Variants in DSCAM observed in about 807,000 individuals in gnomAD.
The protein encoded by DSCAM is cell adhesion molecule DSCAM.
DSCAM carries 47 observed loss-of-function variants against 217.7 expected under a neutral mutation model. That is an observed-to-expected ratio of 0.22 (90% confidence interval 0.17 to 0.28). The LOEUF (loss-of-function observed/expected upper bound fraction) is 0.28. Among genes scored for constraint, DSCAM ranks in the 10% least tolerant of loss-of-function variants. The pLI, the probability that DSCAM is intolerant of heterozygous loss-of-function variation, is 1.00. For synonymous variants in DSCAM, 1,056 were observed against 1,015.3 expected (o/e 1.04, Z -0.76); for missense variants, 2,080 against 2,618.3 (o/e 0.79, Z 4.49).
chr21:40,716,334 A>G (rs1314647154), intron 1 of DSCAM, among the ~76,000 whole-genome samples: 2 of 152,168 alleles, frequency 1.3e-5, no homozygotes, highest in Admixed American at 6.5e-5. Context: ...TAATACAGTA[A>G]CATTTGCTTC....
intron 1 of DSCAM, among the ~76,000 whole-genome samples, chr21:40,816,366 G>A (rs369833295): frequency 6.6e-5 from 10 of 152,244 alleles, no homozygotes; most frequent in African/African-American, 2.4e-4. Context: ...TGATCACGAG[G>A]TCAGGAGTTC....
At chr21:40,181,071 C>T (rs906935175) in intron 14 of DSCAM, among the ~76,000 whole-genome samples, 1 of 152,160 alleles carries the variant, frequency 6.6e-6, no homozygotes, top group East Asian at 1.9e-4. Context: ...CGTTACAAAG[C>T]CCATCCTCAC....
At chr21:40,719,425 T>C (rs2090878093) in intron 1 of DSCAM, among the ~76,000 whole-genome samples, 1 of 152,150 alleles carries the variant, frequency 6.6e-6, no homozygotes, top group African/African-American at 2.4e-5. Flanking sequence ...ATGTGTACAC[T>C]GTGACTCAAC....
chr21:40,829,740 A>C (rs753259989), intron 1 of DSCAM, among the ~76,000 whole-genome samples: 29 of 152,194 alleles, frequency 1.9e-4, no homozygotes, highest in Non-Finnish European at 3.4e-4. Flanking sequence ...AGAAATGGAT[A>C]TGAAAAGATG....
chr21:40,043,995 C>T (rs1201728386), intron 31 of DSCAM, 83 bp downstream of exon 31: 4 of 1,429,062 alleles, frequency 2.8e-6, no homozygotes, highest in Admixed American at 3.6e-5. Context: ...AGCCCTCTCT[C>T]CCCTCCCCAA....
At chr21:40,326,764 T>C (rs2074321816) in intron 8 of DSCAM, among the ~76,000 whole-genome samples, 2 of 151,984 alleles carry the variant, frequency 1.3e-5, no homozygotes, top group African/African-American at 4.8e-5. Flanking sequence ...AAATGTGGGG[T>C]ACAGTCCAGG....
chr21:40,477,987 A>AC (rs1323818814), intron 3 of DSCAM, among the ~76,000 whole-genome samples: 2 of 151,716 alleles, frequency 1.3e-5, no homozygotes, highest in African/African-American at 4.8e-5. Context: ...CCTGAGCCCC[A>AC]CCCCCCATGC....
At chr21:40,231,130 T>G (rs2091378424) in intron 11 of DSCAM, among the ~76,000 whole-genome samples, 1 of 151,760 alleles carries the variant, frequency 6.6e-6, no homozygotes, top group African/African-American at 2.4e-5. Flanking sequence ...AGAGGTTTTT[T>G]TTTTTTTTTT....
intron 11 of DSCAM, among the ~76,000 whole-genome samples, chr21:40,271,716 A>C (rs1051890947): frequency 1.3e-5 from 2 of 152,220 alleles, no homozygotes; most frequent in Admixed American, 1.3e-4. Flanking sequence ...TATTTTGCCC[A>C]CAAGGAAATT....
At chr21:40,820,932 A>G (rs997855401) in intron 1 of DSCAM, among the ~76,000 whole-genome samples, 1 of 151,900 alleles carries the variant, frequency 6.6e-6, no homozygotes, top group Non-Finnish European at 1.5e-5. Flanking sequence ...AAAATATATT[A>G]TCAATAATTT....
At chr21:40,166,852 A>G (rs913188353) in intron 16 of DSCAM, among the ~76,000 whole-genome samples, 1 of 152,144 alleles carries the variant, frequency 6.6e-6, no homozygotes, top group Non-Finnish European at 1.5e-5. Flanking sequence ...ACTGTCTGCC[A>G]CCGCATGCTT....
chr21:40,698,241 A>T (rs1393790273), intron 2 of DSCAM, among the ~76,000 whole-genome samples: 1 of 152,168 alleles, frequency 6.6e-6, no homozygotes, highest in African/African-American at 2.4e-5. Flanking sequence ...AAGGCATAAT[A>T]AATCTAAGCA....
intron 3 of DSCAM, among the ~76,000 whole-genome samples, chr21:40,558,804 C>T (rs1002471728): frequency 6.6e-6 from 1 of 152,124 alleles, no homozygotes; most frequent in Non-Finnish European, 1.5e-5. Context: ...TTATTTTTAT[C>T]ACCACTGGAA....
At chr21:40,074,120 A>C (rs997333068) in intron 27 of DSCAM, among the ~76,000 whole-genome samples, 2 of 152,218 alleles carry the variant, frequency 1.3e-5, no homozygotes, top group Non-Finnish European at 2.9e-5. Context: ...TATTTACAGA[A>C]GAGGTCAACG....
intron 5 of DSCAM, among the ~76,000 whole-genome samples, chr21:40,352,532 C>A (rs2074642975): frequency 6.6e-6 from 1 of 151,890 alleles, no homozygotes; most frequent in South Asian, 2.1e-4. Context: ...AGTCTACACT[C>A]AGGTTGACAC....
At chr21:40,339,816 A>G (rs1270208852) in intron 6 of DSCAM, among the ~76,000 whole-genome samples, 1 of 37,970 alleles carries the variant, frequency 2.6e-5, no homozygotes, top group Non-Finnish European at 8.0e-5. Flanking sequence ...TTGGTGCAAA[A>G]GTGATTGCAA....
intron 1 of DSCAM, among the ~76,000 whole-genome samples, chr21:40,738,807 C>T (rs1313396787): frequency 1.3e-5 from 2 of 152,190 alleles, no homozygotes; most frequent in African/African-American, 2.4e-5. Context: ...GCAGAGAATG[C>T]AGAGAAACAC....
chr21:40,644,434 GGTT>G (rs990759684), intron 3 of DSCAM, among the ~76,000 whole-genome samples: 2 of 152,128 alleles, frequency 1.3e-5, no homozygotes, highest in African/African-American at 4.8e-5. Context: ...GAAAACAGCA[GGTT>G]CGGCCAGTTC....
rs75014128 is a variant in DSCAM, at chr21:40,123,743, T to A, written c.3696+452A>T. Among the ~76,000 whole-genome samples, 384 of 121,312 alleles carry A rather than the reference T, an allele frequency of 3.2e-3. 2 individuals carry two copies. Among genetic ancestry groups the A allele is most frequent in the African/African-American group, 0.011 (355 of 30,966 alleles). The allele number at this position is 121,312 out of a possible 152,430, so 79.6% of individuals were successfully genotyped here. ...CTGCTATTCTTTTCCCTGTGAGAGA[T>A]GGAGGAGGGAAAGAAGGGAGGGATA... On this transcript the variant is annotated intron_variant, in intron 20 of 32. Transcript: ENST00000400454.
Sources: allele counts gnomAD v4.1 joint callset (sites outside exome capture counted in the v4.1 genomes callset), GRCh38; gene constraint gnomAD v4.1.1; transcripts MANE v1.5; gene names NCBI Gene and HGNC (gene_info 2026-07-23, HGNC 2026-07-21).